The following PRR5L variants were observed in gnomAD, a reference collection of about 807,000 sequenced individuals.
PRR5L encodes the protein proline-rich protein 5-like.
A neutral mutation model predicts 36.4 loss-of-function variants in PRR5L; 21 were observed. The ratio of observed to expected loss-of-function variants is 0.58; its 90% confidence interval spans 0.41 to 0.83. PRR5L has a LOEUF of 0.83. PRR5L is among the 40% of genes least tolerant of loss of function. The pLI is 0.00. For missense variants in PRR5L, 381 were observed against 473.3 expected, an observed-to-expected ratio of 0.80 and a Z score of 1.81; for synonymous variants, 188 against 197.0, an observed-to-expected ratio of 0.95 and a Z score of 0.38.
intron 5 of PRR5L, among the ~76,000 whole-genome samples, chr11:36,432,574 G>A (rs1858523395): frequency 1.3e-5 from 2 of 152,028 alleles, no homozygotes; most frequent in Admixed American, 1.3e-4. Context: ...CCTCCTTCTT[G>A]GGTGACTTTT....
intron 1 of PRR5L, among the ~76,000 whole-genome samples, chr11:36,363,976 G>A (rs1159958782): frequency 6.6e-6 from 1 of 152,208 alleles, no homozygotes; most frequent in African/African-American, 2.4e-5. Flanking sequence ...GGTCTTGGGA[G>A]GGTATTTCAC....
At chr11:36,358,717 G>C (rs1857054327) in intron 1 of PRR5L, among the ~76,000 whole-genome samples, 1 of 152,158 alleles carries the variant, frequency 6.6e-6, no homozygotes, top group Non-Finnish European at 1.5e-5. Context: ...GAAAGAAATA[G>C]AATTACAACT....
chr11:36,361,873 C>A (rs938113892), intron 1 of PRR5L, among the ~76,000 whole-genome samples: 10 of 151,970 alleles, frequency 6.6e-5, no homozygotes, highest in Non-Finnish European at 1.5e-4. Context: ...AGAGAGATCG[C>A]GAGCCTCTCT....
intron 3 of PRR5L, among the ~76,000 whole-genome samples, chr11:36,410,651 A>G (rs1239766231): frequency 6.6e-6 from 1 of 152,154 alleles, no homozygotes; most frequent in Non-Finnish European, 1.5e-5. Context: ...CATGTTTCTC[A>G]CTATTCCCAC....
intron 4 of PRR5L, among the ~76,000 whole-genome samples, chr11:36,423,059 AG>A (rs753539212): frequency 6.6e-6 from 1 of 151,896 alleles, no homozygotes; most frequent in Non-Finnish European, 1.5e-5. Flanking sequence ...GTGTGTTATA[AG>A]CTTTTGCCCC....
chr11:36,366,902 C>T (rs780406606), intron 1 of PRR5L, among the ~76,000 whole-genome samples: 93 of 152,206 alleles, frequency 6.1e-4, no homozygotes, highest in Non-Finnish European at 1.1e-3. Context: ...CCCTTCTTTG[C>T]CCTCCCTTCC....
intron 1 of PRR5L, among the ~76,000 whole-genome samples, chr11:36,372,574 C>T (rs553503689): frequency 5.9e-5 from 9 of 152,246 alleles, no homozygotes; most frequent in East Asian, 1.9e-4. Flanking sequence ...ACTATGTGTC[C>T]GCATCCCTTG....
intron 1 of PRR5L, among the ~76,000 whole-genome samples, chr11:36,337,179 C>T (rs903429770): frequency 6.6e-6 from 1 of 152,232 alleles, no homozygotes; most frequent in South Asian, 2.1e-4. Context: ...TGGGTCATCC[C>T]CCCAAAATTA....
At chr11:36,419,007 A>T (rs1590565187) in intron 3 of PRR5L, among the ~76,000 whole-genome samples, 2 of 152,086 alleles carry the variant, frequency 1.3e-5, no homozygotes, top group East Asian at 1.9e-4. Context: ...TAGAATTAGG[A>T]TTTCCTTTGG....
chr11:36,404,003 G>T (rs1857855761), intron 3 of PRR5L, among the ~76,000 whole-genome samples: 1 of 152,226 alleles, frequency 6.6e-6, no homozygotes. Context: ...GGCCAGGAAT[G>T]GTGGATGTGA....
rs966735773 is a variant in PRR5L, at chr11:36,463,038, T to G, written c.*302T>G. 2 of 307,234 alleles carry G rather than the reference T, an allele frequency of 6.5e-6. No homozygotes were observed. Among genetic ancestry groups the G allele is most frequent in the African/African-American group, 2.1e-5 (1 of 46,714 alleles). 19.0% of individuals were successfully genotyped at this position (307,234 alleles called of 1,614,324 possible). A position where few individuals can be genotyped will look rare whatever the true frequency, so the allele number is the denominator to read the frequency against. ...CTCTGGGCCTTTCTCCCTCCGATGT[T>G]GGACTGCCTGATGCTCCCAATGACA... On this transcript the variant is annotated 3_prime_UTR_variant, in exon 9 of 9. Coordinates refer to ENST00000530639, the MANE Select transcript of PRR5L (RefSeq NM_001160167.2).
intron 4 of PRR5L, among the ~76,000 whole-genome samples, chr11:36,424,625 A>C (rs546553048): frequency 1.1e-3 from 164 of 152,322 alleles, no homozygotes; most frequent in Non-Finnish European, 2.0e-3. Flanking sequence ...GAGGCTCTTG[A>C]AGAGCTATAA....
At chr11:36,376,761 C>A (rs1011905734) in intron 1 of PRR5L, 36 of 972,874 alleles carry the variant, frequency 3.7e-5, no homozygotes, top group Non-Finnish European at 4.2e-5. Context: ...GCTCAGCAAC[C>A]GCGCAGGATT....
chr11:36,398,166 G>C (rs903791645), intron 1 of PRR5L, among the ~76,000 whole-genome samples: 3 of 152,110 alleles, frequency 2.0e-5, no homozygotes, highest in Non-Finnish European at 2.9e-5. Context: ...GTGGGAGCTG[G>C]GGAACATGCT....
At chr11:36,319,779 C>A (rs1590437595) in intron 1 of PRR5L, among the ~76,000 whole-genome samples, 1 of 150,868 alleles carries the variant, frequency 6.6e-6, no homozygotes, top group East Asian at 1.9e-4. Flanking sequence ...AGGTTGTGGA[C>A]AATGGAAATC....
At chr11:36,351,017 T>C (rs1407819096) in intron 1 of PRR5L, among the ~76,000 whole-genome samples, 2 of 74,494 alleles carry the variant, frequency 2.7e-5, no homozygotes, top group Non-Finnish European at 4.6e-5. Context: ...TATATAGTTA[T>C]ATATTTATAT....
intron 1 of PRR5L, among the ~76,000 whole-genome samples, chr11:36,345,117 G>A (rs1856851301): frequency 6.6e-6 from 1 of 152,222 alleles, no homozygotes. Context: ...AGGAAGGACG[G>A]TGTTGGCCCG....
At chr11:36,316,968 C>T (rs1856564089) in intron 1 of PRR5L, among the ~76,000 whole-genome samples, 1 of 152,164 alleles carries the variant, frequency 6.6e-6, no homozygotes, top group Admixed American at 6.5e-5. Context: ...AAGATGGAGT[C>T]AATTAGGTCT....
intron 3 of PRR5L, among the ~76,000 whole-genome samples, chr11:36,415,635 T>C (rs1271247270): frequency 6.6e-6 from 1 of 152,194 alleles, no homozygotes; most frequent in Admixed American, 6.5e-5. Context: ...TCCCAGCTAC[T>C]CAGGAGGCTG....
Sources: gnomAD v4.1 joint callset for allele counts (sites outside exome capture counted in the v4.1 genomes callset) on GRCh38, gnomAD v4.1.1 for gene constraint, MANE v1.5 for transcripts, NCBI Gene and HGNC (gene_info 2026-07-23, HGNC 2026-07-21) for gene names.